GSDMD: variants seen among roughly 807,000 people sequenced by gnomAD.
GSDMD encodes gasdermin-D.
Under a neutral mutation model 46.7 loss-of-function variants are expected in GSDMD, and 46 were observed. The ratio of observed to expected loss-of-function variants is 0.99; its 90% CI spans 0.78 to 1.26. The LOEUF is 1.26. Ranked by LOEUF, GSDMD falls within the 50% of genes most tolerant of loss-of-function variation. GSDMD has a pLI of 0.00. For missense variants in GSDMD, 649 were observed against 638.8 expected (o/e 1.02, Z -0.17); for synonymous variants, 307 against 283.1 (o/e 1.08, Z -0.85).
rs746349634 is a variant in GSDMD at position 143,562,128 on chromosome 8, G to C, written c.993G>C (p.Glu331Asp). Residue 331 changes from glutamate (E) to aspartate (D), a missense_variant, in exon 8 of 11, where the codon GAG becomes GAC. Coordinates refer to ENST00000262580, the MANE Select transcript of GSDMD (RefSeq NM_024736.7). The part of the protein sequence containing the change: ...RDQLALRALE[E>D]ALEQGQSLGP... ...AGCTGGCCCTGCGAGCCTTGGAGGA[G>C]GCGGTGAGCGGGGGAGGGTGCCCGG... 57 of 1,598,164 alleles carry C rather than the reference G, an allele frequency of 3.6e-5. No individual in the cohort carries two copies. Among genetic ancestry groups the C allele is most frequent in the Non-Finnish European group, 4.7e-5 (56 of 1,179,034 alleles).
At chr8:143,560,562 G>T in intron 3 of GSDMD, 41 bp from the exon 4 acceptor site, 1 of 1,529,750 alleles carries the variant, frequency 6.5e-7, no homozygotes, top group Non-Finnish European at 8.8e-7. Context: ...GACGCCTTCA[G>T]GGGCTGCGGC....
intron 1 of GSDMD, 124 bp downstream of exon 1, chr8:143,558,575 C>T: frequency 4.1e-6 from 4 of 976,348 alleles, no homozygotes; most frequent in Non-Finnish European, 5.7e-6. Flanking sequence ...CCCCGCGCCG[C>T]ACACGGGGGC....
At chr8:143,560,455 C>A in intron 3 of GSDMD, 148 bp from the exon 4 acceptor site, 1 of 758,964 alleles carries the variant, frequency 1.3e-6, no homozygotes. Context: ...CCGTGGGGAG[C>A]ACACGGAGAG....
rs757292360 is a variant in GSDMD at position 143,562,809 on chromosome 8, C to G, written c.1360C>G (p.Pro454Ala). The G allele has an allele frequency of 1.2e-6, 2 of 1,605,278 alleles. No individual in the cohort carries two copies. The highest frequency in any genetic ancestry group is 1.7e-6 in the Non-Finnish European group (2 of 1,176,680). Reference protein sequence around the residue: ...ECGLELGEDTPHVCWEPQAQG... With the variant: ...ECGLELGEDTAHVCWEPQAQG... ...TGGCCTAGAGCTGGGGGAGGACACT[C>G]CCCACGTGTGCTGGGAGCCGCAGGC... The change falls in exon 11 of 11, where the codon CCC becomes GCC. Residue 454 changes from proline (P) to alanine (A), a missense_variant. Transcript: ENST00000262580.
chr8:143,561,704 G>C, intron 6 of GSDMD, 38 bp from the exon 7 acceptor site: 1 of 1,534,242 alleles, frequency 6.5e-7, no homozygotes, highest in Non-Finnish European at 8.9e-7. Context: ...ACCCTTCCCC[G>C]GCACTGACCA....
upstream of GSDMD, among the ~76,000 whole-genome samples, chr8:143,554,042 C>T (rs539648422): frequency 2.6e-5 from 3 of 113,566 alleles, 1 homozygote; most frequent in African/African-American, 8.0e-5. Context: ...AGGGGCCTGA[C>T]GCACCACAGA....
intron 2 of GSDMD, 73 bp from the exon 3 acceptor site, chr8:143,559,704 G>A (rs1193127058): frequency 6.7e-7 from 1 of 1,488,126 alleles, no homozygotes; most frequent in Non-Finnish European, 9.1e-7. Flanking sequence ...CTGCCCTGGG[G>A]CTGGGACAGG....
intron 3 of GSDMD, 69 bp from the exon 4 acceptor site, chr8:143,560,534 G>C: frequency 6.8e-7 from 1 of 1,469,800 alleles, no homozygotes; most frequent in Non-Finnish European, 9.1e-7. Flanking sequence ...GGTGGCGTGG[G>C]GCTGTCAGGG....
Position 143,559,897 on chromosome 8 carries a change from G to C in GSDMD, c.338G>C (p.Ser113Thr). 1 of 1,612,834 alleles carries C rather than the reference G, an allele frequency of 6.2e-7. No individual in the cohort carries two copies. ...GCAGGCGGGGCCGCGGTGTCTGACAGCTCCAGCACCTCAATGAATGTGTAC... is the reference window on the plus strand; with the variant it reads ...GCAGGCGGGGCCGCGGTGTCTGACACCTCCAGCACCTCAATGAATGTGTAC... Reference protein sequence around the residue: ...KIAGGAAVSDSSSTSMNVYSL... With the variant: ...KIAGGAAVSDTSSTSMNVYSL... The change falls in exon 3 of 11, where the codon AGC becomes ACC. Residue 113 changes from serine to threonine, a missense_variant. By Grantham distance (58) the Ser-to-Thr change is moderately conservative. Transcript: ENST00000262580.
rs1823480058 is a variant in GSDMD, at chr8:143,562,201, G to T, written c.997-8G>T. ...AGCCAGACTCACCTGCCCTTCCCGT[G>T]CCCACAGCTGGAGCAGGGCCAGAGC... is the stretch of plus-strand genomic sequence containing the variant. On this transcript the variant is annotated splice_region_variant and splice_polypyrimidine_tract_variant and intron_variant, in intron 8 of 10. Transcript: ENST00000262580. The T allele has an allele frequency of 6.3e-7, 1 of 1,582,984 alleles. No homozygotes were observed. The highest frequency in any genetic ancestry group is 1.1e-5 in the South Asian group (1 of 88,924).
At chr8:143,558,985 C>T (rs555381461) in intron 1 of GSDMD, 8 of 565,156 alleles carry the variant, frequency 1.4e-5, no homozygotes, top group South Asian at 1.2e-4. Context: ...TGCAGTGGGT[C>T]CCTGCACCAC....
intron 1 of GSDMD, chr8:143,558,987 C>CTGGTGACCCTCTGGCTGGGTTT: frequency 7.1e-6 from 4 of 567,232 alleles, no homozygotes; most frequent in East Asian, 7.1e-5. Flanking sequence ...CAGTGGGTCC[C>CTGGTGACCCTCTGGCTGGGTTT]TGCACCACGC....
rs1041153296 is a variant in GSDMD at position 143,561,090 on chromosome 8, T to C, written c.668T>C (p.Ile223Thr). 8 of 1,613,094 alleles carry C rather than the reference T, an allele frequency of 5.0e-6. No individual in the cohort carries two copies. Among genetic ancestry groups the C allele is most frequent in the Middle Eastern group, 1.7e-4 (1 of 6,056 alleles). ...TLAFRVAQLV[I>T]DSDLDVLLFP... ...GCATTCCGGGTGGCCCAGCTGGTTA[T>C]TGACTCTGACTTGGGTGAGCTGGAG... Residue 223 changes from isoleucine to threonine, a missense_variant, in exon 5 of 11, where the codon ATT becomes ACT. Coordinates refer to ENST00000262580, the MANE Select transcript of GSDMD (RefSeq NM_024736.7).
intron 1 of GSDMD, chr8:143,558,794 G>A (rs1179277776): frequency 5.1e-6 from 3 of 590,588 alleles, no homozygotes; most frequent in East Asian, 7.6e-5. Flanking sequence ...CTCCACAGTG[G>A]CCCAGGTGCC....
chr8:143,558,496 G>A lies in GSDMD; in HGVS notation c.-5+45G>A, dbSNP rs1385986564. The A allele has an allele frequency of 9.9e-6, 14 of 1,408,840 alleles. No individual in the cohort carries two copies. In the East Asian group the frequency reaches 3.3e-4, roughly 33 times the overall value. The allele number at this position is 1,408,840 out of a possible 1,614,324, so 87.3% of individuals were successfully genotyped here. A position where few individuals can be genotyped will look rare whatever the true frequency, so the allele number is the denominator to read the frequency against. On this transcript the variant is annotated intron_variant, in intron 1 of 10. Transcript: ENST00000262580. Reference sequence around the variant, plus strand: ...CTCCCCCGGCCTGGCTGGAGCTCCCGAGTGGGGCCGGCCGCTGGCTCCCGG... The same window carrying A: ...CTCCCCCGGCCTGGCTGGAGCTCCCAAGTGGGGCCGGCCGCTGGCTCCCGG...
rs1188500829 is a variant in GSDMD, at chr8:143,563,056, A to G, written c.*152A>G. 1 of 947,958 alleles carries G rather than the reference A, an allele frequency of 1.1e-6. No individual in the cohort carries two copies. The highest frequency in any genetic ancestry group is 2.2e-5 in the Admixed American group (1 of 46,404). The allele number at this position is 947,958 out of a possible 1,614,324, so 58.7% of individuals were successfully genotyped here. On this transcript the variant is annotated 3_prime_UTR_variant, in exon 11 of 11. Coordinates refer to ENST00000262580, the MANE Select transcript of GSDMD (RefSeq NM_024736.7). ...GGAAACACAATAAAGGTGGCATACGAAGGAAAGGCTGGTAGCAGAGTTTTT... is the reference window on the plus strand; with the variant it reads ...GGAAACACAATAAAGGTGGCATACGGAGGAAAGGCTGGTAGCAGAGTTTTT...
Position 143,561,073 on chromosome 8 carries a change from G to C in GSDMD, c.651G>C (p.Arg217=). Residue 217 remains arginine (R), a synonymous_variant, in exon 5 of 11, where the codon CGG becomes CGC. Coordinates refer to ENST00000262580, the MANE Select transcript of GSDMD (RefSeq NM_024736.7). ...TIPSGSTLAF[R]VAQLVIDSDL... is the part of the protein sequence containing the mutation. ...CCTCAGGCAGCACCCTCGCATTCCG[G>C]GTGGCCCAGCTGGTTATTGACTCTG... 1 of 1,613,254 alleles carries C rather than the reference G, an allele frequency of 6.2e-7. No homozygotes were observed. Among genetic ancestry groups the C allele is most frequent in the Middle Eastern group, 1.7e-4 (1 of 6,056 alleles).
chr8:143,557,859 C>T (rs1200118170), upstream of GSDMD: 1 of 371,830 alleles, frequency 2.7e-6, no homozygotes, highest in African/African-American at 2.1e-5. Context: ...TTTGGAAGAT[C>T]TGCCCAGACC....
chr8:143,559,460 G>GC lies in GSDMD; in HGVS notation c.125_126insC (p.Arg42SerfsTer14). On this transcript the variant is annotated frameshift_variant, in exon 2 of 11. Transcript: ENST00000262580. LOFTEE classifies it high-confidence loss of function. Reference sequence around the variant, plus strand: ...TTCCAGCCCTACTGCCTGGTGGTTAGGAAGCCCTCAAGCTCATGGTTCTGG... The same window carrying GC: ...TTCCAGCCCTACTGCCTGGTGGTTAGCGAAGCCCTCAAGCTCATGGTTCTGG... The GC allele has an allele frequency of 6.2e-7, 1 of 1,612,944 alleles. No individual in the cohort carries two copies. The highest frequency in any genetic ancestry group is 2.2e-5 in the East Asian group (1 of 44,884).
Sources: gnomAD v4.1 joint callset for allele counts (sites outside exome capture counted in the v4.1 genomes callset) on GRCh38, gnomAD v4.1.1 for gene constraint, MANE v1.5 for transcripts, NCBI Gene and HGNC (gene_info 2026-07-23, HGNC 2026-07-21) for gene names.